LRP1B: variants seen among roughly 807,000 people sequenced by gnomAD.
LRP1B encodes the protein low-density lipoprotein receptor-related protein 1B.
LRP1B carries 217 observed loss-of-function variants against 556.6 expected under a neutral mutation model. The ratio of observed to expected loss-of-function variants is 0.39; its 90% CI spans 0.35 to 0.44. The LOEUF is 0.44. Among genes scored for constraint, LRP1B ranks in the 20% least tolerant of loss-of-function variants. LRP1B has a pLI of 1.00. For missense variants in LRP1B, 5,053 were observed against 5,620.8 expected (o/e 0.90, Z 3.23); for synonymous variants, 2,047 against 1,865.8 (o/e 1.10, Z -2.50).
chr2:141,471,268 A>ATGTTTTTTTTTTTTTTTTTTTTTTT (rs1553518973), intron 3 of LRP1B, among the ~76,000 whole-genome samples: 2 of 31,900 alleles, frequency 6.3e-5, no homozygotes, highest in Non-Finnish European at 7.9e-5. Flanking sequence ...ATACCCTGGT[A>ATGTTTTTTTTTTTTTTTTTTTTTTT]TTTTTTTTTT....
At chr2:140,980,411 C>T (rs1696731996) in intron 18 of LRP1B, among the ~76,000 whole-genome samples, 1 of 152,082 alleles carries the variant, frequency 6.6e-6, no homozygotes, top group Non-Finnish European at 1.5e-5. Flanking sequence ...ACTGCTCAAC[C>T]CACTTTATTG....
At chr2:141,527,105 G>C (rs559079970) in intron 2 of LRP1B, among the ~76,000 whole-genome samples, 4 of 152,022 alleles carry the variant, frequency 2.6e-5, no homozygotes, top group Non-Finnish European at 5.9e-5. Context: ...TTTTATTTCT[G>C]TTTTGTTTTG....
chr2:141,309,906 G>A (rs1344551064), intron 3 of LRP1B, among the ~76,000 whole-genome samples: 1 of 152,020 alleles, frequency 6.6e-6, no homozygotes, highest in Non-Finnish European at 1.5e-5. Context: ...AGAAAGATAA[G>A]TGTTCCTTAA....
At position 142,111,962 on chromosome 2, in the gene LRP1B, C is replaced by T. The variant is rs77301664; in HGVS notation, c.82+18686G>A. Among the ~76,000 whole-genome samples, 563 of 152,106 alleles carry T rather than the reference C, an allele frequency of 3.7e-3. 1 individual carries two copies. Among genetic ancestry groups the T allele is most frequent in the Non-Finnish European group, 6.4e-3 (437 of 67,980 alleles). Reference sequence around the variant, plus strand: ...ATGTAATTGATCAGAGGTCACAGTGCTATATAAGTGCAGTCTTTTCTTATA... The same window carrying T: ...ATGTAATTGATCAGAGGTCACAGTGTTATATAAGTGCAGTCTTTTCTTATA... On this transcript the variant is annotated intron_variant, in intron 1 of 90. Transcript: ENST00000389484.
intron 1 of LRP1B, among the ~76,000 whole-genome samples, chr2:141,904,013 G>C (rs760639685): frequency 4.0e-5 from 6 of 151,898 alleles, no homozygotes; most frequent in Non-Finnish European, 8.8e-5. Flanking sequence ...CAGAGAGCAC[G>C]AAGGGTAATG....
intron 7 of LRP1B, among the ~76,000 whole-genome samples, chr2:141,151,588 T>C (rs1358170185): frequency 6.6e-5 from 10 of 152,180 alleles, no homozygotes; most frequent in African/African-American, 2.2e-4. Context: ...AGCTATACAT[T>C]GCCCAGTTCA....
chr2:142,121,163 G>A (rs949682498), intron 1 of LRP1B, among the ~76,000 whole-genome samples: 5 of 152,178 alleles, frequency 3.3e-5, no homozygotes, highest in African/African-American at 7.2e-5. Context: ...GTAGCTTGTC[G>A]TTATTGCCAC....
chr2:141,306,033 T>C (rs957960790), intron 3 of LRP1B, among the ~76,000 whole-genome samples: 8 of 152,184 alleles, frequency 5.3e-5, no homozygotes, highest in African/African-American at 1.7e-4. Context: ...TTTTTAGGAA[T>C]TGGCCTGTAG....
At chr2:140,405,172 A>G (rs1684677057) in intron 66 of LRP1B, among the ~76,000 whole-genome samples, 1 of 152,212 alleles carries the variant, frequency 6.6e-6, no homozygotes, top group Non-Finnish European at 1.5e-5. Flanking sequence ...ATGAATGATA[A>G]TAGTGACACA....
intron 1 of LRP1B, among the ~76,000 whole-genome samples, chr2:142,071,780 C>T (rs956912584): frequency 6.6e-6 from 1 of 151,952 alleles, no homozygotes; most frequent in African/African-American, 2.4e-5. Context: ...ATAACCACTT[C>T]CACCAGGGCT....
chr2:142,023,818 C>T (rs1703419684), intron 1 of LRP1B, among the ~76,000 whole-genome samples: 1 of 152,018 alleles, frequency 6.6e-6, no homozygotes, highest in African/African-American at 2.4e-5. Flanking sequence ...TTGCCTCCTA[C>T]TGTTTTGTGC....
chr2:140,893,673 A>G (rs1306034592), intron 23 of LRP1B, among the ~76,000 whole-genome samples: 1 of 152,192 alleles, frequency 6.6e-6, no homozygotes. Context: ...ATAACATTAT[A>G]ATAATTAACT....
At chr2:141,827,832 T>C (rs1336788885) in intron 1 of LRP1B, among the ~76,000 whole-genome samples, 2 of 151,566 alleles carry the variant, frequency 1.3e-5, no homozygotes, top group East Asian at 3.8e-4. Flanking sequence ...TGCTATAAAG[T>C]ATATATATAC....
chr2:141,276,235 C>G (rs896146484), intron 3 of LRP1B, among the ~76,000 whole-genome samples: 5 of 152,112 alleles, frequency 3.3e-5, no homozygotes, highest in Non-Finnish European at 5.9e-5. Context: ...TCACTTCCTT[C>G]GCAGCACTTA....
At chr2:141,075,732 G>C (rs1017131146) in intron 7 of LRP1B, among the ~76,000 whole-genome samples, 2 of 152,090 alleles carry the variant, frequency 1.3e-5, no homozygotes, top group Non-Finnish European at 2.9e-5. Flanking sequence ...AAGTGACTAA[G>C]GTAAGTATCC....
intron 1 of LRP1B, among the ~76,000 whole-genome samples, chr2:142,084,480 A>C (rs1705836585): frequency 6.6e-6 from 1 of 152,174 alleles, no homozygotes; most frequent in Non-Finnish European, 1.5e-5. Context: ...TGAGTTGATG[A>C]ATCTTAGTTC....
At chr2:140,572,339 T>C (rs1466363955) in intron 43 of LRP1B, among the ~76,000 whole-genome samples, 1 of 151,216 alleles carries the variant, frequency 6.6e-6, no homozygotes, top group South Asian at 2.1e-4. Context: ...ATAAGCTGAA[T>C]AGACATCTCT....
chr2:140,687,794 A>G (rs1205158019), intron 41 of LRP1B, among the ~76,000 whole-genome samples: 2 of 152,118 alleles, frequency 1.3e-5, no homozygotes, highest in African/African-American at 4.8e-5. Flanking sequence ...TTGCTTTTTC[A>G]AACAATAACA....
In LRP1B at chr2:141,905,763, A is replaced by ACGTGTGTGTGTGTGT. The variant is rs71338143; in HGVS notation, c.83-95363_83-95362insACACACACACACACG. On this transcript the variant is annotated intron_variant, in intron 1 of 90. Transcript: ENST00000389484. Reference sequence around the variant, plus strand: ...GGGAGAAAATGGATCTGGTTTGAATAGATGTGTGTGTGTGTGTGTGTGTGT... The same window carrying ACGTGTGTGTGTGTGT: ...GGGAGAAAATGGATCTGGTTTGAATACGTGTGTGTGTGTGTGATGTGTGTGTGTGTGTGTGTGTGT... Among the ~76,000 whole-genome samples the ACGTGTGTGTGTGTGT allele has an allele frequency of 3.8e-3, 433 of 115,186 alleles. 18 individuals are homozygous for ACGTGTGTGTGTGTGT. Among genetic ancestry groups the ACGTGTGTGTGTGTGT allele is most frequent in the East Asian group, 0.012 (42 of 3,492 alleles). The allele number at this position is 115,186 out of a possible 152,430, so 75.6% of individuals were successfully genotyped here.
Sources: gnomAD v4.1 joint callset for allele counts (sites outside exome capture counted in the v4.1 genomes callset) on GRCh38, gnomAD v4.1.1 for gene constraint, MANE v1.5 for transcripts, NCBI Gene and HGNC (gene_info 2026-07-23, HGNC 2026-07-21) for gene names.